The following ST6GALNAC3 variants were observed in gnomAD, a reference collection of about 807,000 sequenced individuals.
ST6GALNAC3 encodes the protein ST6 N-acetylgalactosaminide alpha-2,6-sialyltransferase 3.
ST6GALNAC3 carries 25 observed loss-of-function variants against 32.7 expected under a neutral mutation model. That is an observed-to-expected ratio of 0.76 (90% CI 0.56 to 1.07). ST6GALNAC3 has a LOEUF of 1.07. ST6GALNAC3 is among the 50% of genes least tolerant of loss of function. The pLI, the probability that ST6GALNAC3 is intolerant of heterozygous loss-of-function variation, is 0.00. For missense variants in ST6GALNAC3, 355 were observed against 382.4 expected, an observed-to-expected ratio of 0.93 and a Z score of 0.60; for synonymous variants, 129 against 133.1, an observed-to-expected ratio of 0.97 and a Z score of 0.21.
intron 1 of ST6GALNAC3, among the ~76,000 whole-genome samples, chr1:76,160,088 G>T (rs921375474): frequency 1.1e-4 from 17 of 152,116 alleles, no homozygotes; most frequent in African/African-American, 4.1e-4. Context: ...GATATTCAAG[G>T]ATGAGTAGGA....
intron 3 of ST6GALNAC3, among the ~76,000 whole-genome samples, chr1:76,609,626 T>C (rs1287341997): frequency 6.6e-6 from 1 of 152,130 alleles, no homozygotes; most frequent in Non-Finnish European, 1.5e-5. Flanking sequence ...GGTGGGGAGA[T>C]TATTGTCTGA....
chr1:76,576,096 C>T (rs1034976960), intron 3 of ST6GALNAC3, among the ~76,000 whole-genome samples: 11 of 151,946 alleles, frequency 7.2e-5, no homozygotes, highest in African/African-American at 1.2e-4. Flanking sequence ...GAACAGGTGG[C>T]CAGTGCAGTC....
Position 76,610,692 on chromosome 1 carries a change from G to A in ST6GALNAC3, c.624-16760G>A, listed in dbSNP as rs528783012. ...TGGACATTTACAGTCTGTAAGTGGCGACAGGGAGTGCTAGGTCCACTTCTG... is the reference window on the plus strand; with the variant it reads ...TGGACATTTACAGTCTGTAAGTGGCAACAGGGAGTGCTAGGTCCACTTCTG... On this transcript the variant is annotated intron_variant, in intron 3 of 4. Transcript: ENST00000328299. Among the ~76,000 whole-genome samples the A allele has an allele frequency of 5.9e-5, 9 of 152,212 alleles. No homozygotes were observed. The South Asian group carries it at 6.2e-4, about 11-fold the overall frequency.
chr1:76,470,195 G>A (rs74089957), intron 3 of ST6GALNAC3, among the ~76,000 whole-genome samples: 2,545 of 151,640 alleles, frequency 0.017, 35 homozygotes, highest in Non-Finnish European at 0.027. Flanking sequence ...ATCTAGGTTC[G>A]GCAACAGAAT....
intron 1 of ST6GALNAC3, among the ~76,000 whole-genome samples, chr1:76,185,855 C>A (rs61773763): frequency 0.11 from 16,352 of 152,162 alleles, 1,023 homozygotes; most frequent in Non-Finnish European, 0.14. Context: ...ACATACAGAC[C>A]ATTTTTCCTT....
chr1:76,129,492 C>T (rs1318051493), intron 1 of ST6GALNAC3, among the ~76,000 whole-genome samples: 6 of 152,124 alleles, frequency 3.9e-5, no homozygotes, highest in African/African-American at 1.4e-4. Flanking sequence ...CCAAATGGCC[C>T]CAGTGAGGTG....
At chr1:76,325,922 T>C (rs1172888920) in intron 2 of ST6GALNAC3, among the ~76,000 whole-genome samples, 2 of 151,984 alleles carry the variant, frequency 1.3e-5, no homozygotes, top group Non-Finnish European at 2.9e-5. Flanking sequence ...GCTCATCTTT[T>C]TTCAGAAATC....
chr1:76,463,304 A>C (rs1369660579), intron 3 of ST6GALNAC3, among the ~76,000 whole-genome samples: 1 of 152,136 alleles, frequency 6.6e-6, no homozygotes, highest in Non-Finnish European at 1.5e-5. Context: ...AGTCAGTGGC[A>C]TTCATGTAGG....
chr1:76,143,598 T>A (rs1044958927), intron 1 of ST6GALNAC3, among the ~76,000 whole-genome samples: 7 of 152,266 alleles, frequency 4.6e-5, no homozygotes, highest in Admixed American at 6.5e-5. Context: ...CAAAGTGTTG[T>A]TGTTGTTTTT....
intron 3 of ST6GALNAC3, among the ~76,000 whole-genome samples, chr1:76,437,679 G>C (rs1054356756): frequency 1.3e-5 from 2 of 150,832 alleles, no homozygotes; most frequent in Non-Finnish European, 2.9e-5. Context: ...CCGAGTTCAA[G>C]CTATTCTCCT....
At chr1:76,187,394 T>A (rs1653623209) in intron 1 of ST6GALNAC3, among the ~76,000 whole-genome samples, 1 of 152,198 alleles carries the variant, frequency 6.6e-6, no homozygotes, top group African/African-American at 2.4e-5. Flanking sequence ...TGCATTCAAG[T>A]TACCTGACTG....
At chr1:76,443,749 A>G (rs769249686) in intron 3 of ST6GALNAC3, among the ~76,000 whole-genome samples, 11 of 152,250 alleles carry the variant, frequency 7.2e-5, no homozygotes, top group Admixed American at 5.2e-4. Flanking sequence ...ATTTCAAAAG[A>G]AAATAATTTT....
chr1:76,243,025 A>T (rs1446193193), intron 1 of ST6GALNAC3, among the ~76,000 whole-genome samples: 1 of 152,206 alleles, frequency 6.6e-6, no homozygotes, highest in Non-Finnish European at 1.5e-5. Flanking sequence ...TTGAGGAACC[A>T]TCACACTGCC....
intron 1 of ST6GALNAC3, among the ~76,000 whole-genome samples, chr1:76,160,245 AC>A (rs1651725902): frequency 1.3e-5 from 2 of 152,166 alleles, no homozygotes; most frequent in South Asian, 4.1e-4. Flanking sequence ...TGGCTATTAC[AC>A]TTAAAAGGTT....
chr1:76,201,449 A>G (rs984408704), intron 1 of ST6GALNAC3, among the ~76,000 whole-genome samples: 8 of 152,150 alleles, frequency 5.3e-5, no homozygotes, highest in African/African-American at 1.7e-4. Context: ...CCCACAACAC[A>G]TGGGAATTAT....
intron 3 of ST6GALNAC3, among the ~76,000 whole-genome samples, chr1:76,493,840 C>T (rs1221968500): frequency 2.0e-5 from 3 of 152,088 alleles, no homozygotes; most frequent in Non-Finnish European, 2.9e-5. Flanking sequence ...GAAGCAACTT[C>T]AGAAATCTCC....
chr1:76,510,112 C>T (rs142003718), intron 3 of ST6GALNAC3, among the ~76,000 whole-genome samples: 230 of 152,190 alleles, frequency 1.5e-3, no homozygotes, highest in African/African-American at 5.3e-3. Flanking sequence ...GTGGTTCTGC[C>T]CTGAAGTGTC....
chr1:76,156,627 T>G (rs538509275), intron 1 of ST6GALNAC3, among the ~76,000 whole-genome samples: 1 of 152,292 alleles, frequency 6.6e-6, no homozygotes, highest in African/African-American at 2.4e-5. Flanking sequence ...TTTTTGTTTT[T>G]GAGGTGTTTC....
intron 3 of ST6GALNAC3, among the ~76,000 whole-genome samples, chr1:76,540,421 A>C (rs1663920404): frequency 6.6e-6 from 1 of 152,134 alleles, no homozygotes; most frequent in African/African-American, 2.4e-5. Flanking sequence ...CCATCATGAC[A>C]CACTATACCT....
Sources: gnomAD v4.1 joint callset for allele counts (sites outside exome capture counted in the v4.1 genomes callset) on GRCh38, gnomAD v4.1.1 for gene constraint, MANE v1.5 for transcripts, NCBI Gene and HGNC (gene_info 2026-07-23, HGNC 2026-07-21) for gene names.